Variants in SMYD3 observed in about 807,000 individuals in gnomAD.
The protein encoded by SMYD3 is SET and MYND domain containing 3, also known as histone-lysine N-methyltransferase SMYD3.
In SMYD3, 36 loss-of-function variants were observed where a neutral mutation model predicts 57.7. That is an observed-to-expected ratio of 0.62 (90% CI 0.48 to 0.82). SMYD3 has a LOEUF of 0.82. Ranked by LOEUF, SMYD3 falls within the 40% of genes least tolerant of loss-of-function variation. The pLI, the probability that SMYD3 is intolerant of heterozygous loss-of-function variation, is 0.00. For synonymous variants in SMYD3, 211 were observed against 195.0 expected (o/e 1.08, Z -0.68); for missense variants, 515 against 538.8 (o/e 0.96, Z 0.44).
At position 246,202,365 on chromosome 1, in the gene SMYD3, T is replaced by G. The variant is rs2062935351; in HGVS notation, c.531+124836A>C. 6.6e-6 allele frequency among the ~76,000 whole-genome samples: 1 copy of G among 152,218 alleles called. No individual in the cohort carries two copies. The highest frequency in any genetic ancestry group is 2.4e-5 in the African/African-American group (1 of 41,458). On this transcript the variant is annotated intron_variant, in intron 5 of 11. Transcript: ENST00000490107. This position sits in a 1 kb window ranked among gnomAD's most constrained non-coding sequence, Gnocchi z 4.1. ...TTACATTTTTCATATCTGACCGCCC[T>G]ATCATTGGCCTATGAAGCTTTCCAA...
intron 5 of SMYD3, among the ~76,000 whole-genome samples, chr1:246,120,620 T>C (rs1419000408): frequency 6.6e-6 from 1 of 152,210 alleles, no homozygotes; most frequent in African/African-American, 2.4e-5. Context: ...TGTCCAGTTC[T>C]GTATCTTCAG....
At chr1:246,465,749 AAG>A (rs2067872716) in intron 1 of SMYD3, among the ~76,000 whole-genome samples, 1 of 152,216 alleles carries the variant, frequency 6.6e-6, no homozygotes, top group Admixed American at 6.5e-5. Flanking sequence ...CTGTGGAGAA[AAG>A]AGAACACTTA....
chr1:246,463,677 A>AAC (rs2067838250), intron 1 of SMYD3, among the ~76,000 whole-genome samples: 1 of 149,292 alleles, frequency 6.7e-6, no homozygotes, highest in Admixed American at 6.7e-5. Context: ...AAAAAAAAAA[A>AAC]AAAAAAACAT....
intron 1 of SMYD3, among the ~76,000 whole-genome samples, chr1:246,427,485 A>G (rs1476668045): frequency 1.3e-5 from 2 of 148,722 alleles, no homozygotes; most frequent in African/African-American, 4.9e-5. Flanking sequence ...CCGCCACTGC[A>G]CTCCAGCCTG....
chr1:246,188,605 AT>A (rs530386449), intron 5 of SMYD3, among the ~76,000 whole-genome samples: 153 of 147,352 alleles, frequency 1.0e-3, no homozygotes, highest in Middle Eastern at 3.5e-3. Flanking sequence ...TGTGGTTGAC[AT>A]TTTTTTTTTT....
intron 5 of SMYD3, among the ~76,000 whole-genome samples, chr1:246,155,902 G>A (rs1315718819): frequency 6.6e-6 from 1 of 151,928 alleles, no homozygotes; most frequent in Non-Finnish European, 1.5e-5. Context: ...CAGGAGAATC[G>A]CTTGAATCTC....
intron 5 of SMYD3, among the ~76,000 whole-genome samples, chr1:246,288,064 T>G (rs1262048771): frequency 3.2e-4 from 12 of 37,430 alleles, no homozygotes; most frequent in Non-Finnish European, 5.2e-5. Flanking sequence ...AGGTAATTCT[T>G]TTTTTTTTTT....
intron 1 of SMYD3, among the ~76,000 whole-genome samples, chr1:246,473,566 G>A (rs915072555): frequency 6.6e-6 from 1 of 152,148 alleles, no homozygotes; most frequent in Admixed American, 6.5e-5. Context: ...GCCTTGTTGG[G>A]TTTCAAAAAC....
chr1:246,032,512 C>T (rs182136312), intron 5 of SMYD3, among the ~76,000 whole-genome samples: 41 of 152,310 alleles, frequency 2.7e-4, no homozygotes, highest in African/African-American at 8.7e-4. Flanking sequence ...AGCTCATATC[C>T]GAGTCCTGGC....
chr1:246,326,401 G>GA, intron 5 of SMYD3: 2 of 630,884 alleles, frequency 3.2e-6, no homozygotes, highest in Non-Finnish European at 2.9e-6. Flanking sequence ...ATGGGCTAGT[G>GA]AAGAAAAAAA....
At chr1:245,949,715 G>A (rs1198484380) in intron 5 of SMYD3, among the ~76,000 whole-genome samples, 1 of 152,028 alleles carries the variant, frequency 6.6e-6, no homozygotes. Flanking sequence ...AGGCTGAGGT[G>A]GAAGAATCTC....
chr1:246,072,675 T>C (rs987813271), intron 5 of SMYD3, among the ~76,000 whole-genome samples: 1 of 152,132 alleles, frequency 6.6e-6, no homozygotes, highest in African/African-American at 2.4e-5. Context: ...CCAGAGGAGA[T>C]TAGTACATGA....
At chr1:246,253,280 C>T (rs952345790) in intron 5 of SMYD3, among the ~76,000 whole-genome samples, 10 of 152,176 alleles carry the variant, frequency 6.6e-5, no homozygotes, top group African/African-American at 2.2e-4. Context: ...CTCCCTCCAA[C>T]CTCGAGCAGT....
chr1:246,199,381 A>G (rs748176824), intron 5 of SMYD3, among the ~76,000 whole-genome samples: 1 of 152,226 alleles, frequency 6.6e-6, no homozygotes, highest in Non-Finnish European at 1.5e-5. Context: ...CTGGATATAT[A>G]AAGAATAAGG....
chr1:246,275,220 CT>C (rs2064306137), intron 5 of SMYD3, among the ~76,000 whole-genome samples: 2 of 152,240 alleles, frequency 1.3e-5, no homozygotes, highest in African/African-American at 4.8e-5. Context: ...ACCGAAACTA[CT>C]CAGCTCTGCT....
At chr1:246,052,629 T>C (rs2060083022) in intron 5 of SMYD3, 1 of 152,186 alleles carries the variant, frequency 6.6e-6, no homozygotes, top group Admixed American at 6.5e-5. Flanking sequence ...CATGCAACAA[T>C]TGCTAAAAAT....
chr1:246,125,079 A>ACACACACAC (rs1206513856), intron 5 of SMYD3, among the ~76,000 whole-genome samples: 1,506 of 108,258 alleles, frequency 0.014, 31 homozygotes, highest in African/African-American at 0.039. Context: ...CTCAAAAAAA[A>ACACACACAC]AAAAAAAAAC....
intron 5 of SMYD3, among the ~76,000 whole-genome samples, chr1:246,254,779 C>T (rs2148507092): frequency 6.6e-6 from 1 of 152,232 alleles, no homozygotes; most frequent in East Asian, 1.9e-4. Flanking sequence ...GAATGTCTTT[C>T]CACTTGTTTG....
chr1:246,086,356 G>A (rs937351969), intron 5 of SMYD3, among the ~76,000 whole-genome samples: 7 of 152,030 alleles, frequency 4.6e-5, no homozygotes, highest in African/African-American at 1.2e-4. Context: ...CAGTTTTTGC[G>A]CCTGCCTAAT....
Sources: allele counts gnomAD v4.1 joint callset (sites outside exome capture counted in the v4.1 genomes callset), GRCh38; gene constraint gnomAD v4.1.1; non-coding constraint Gnocchi (gnomAD v3.1); transcripts MANE v1.5; gene names NCBI Gene and HGNC (gene_info 2026-07-23, HGNC 2026-07-21).